Variants in POU6F2 observed in about 807,000 individuals in gnomAD.
The protein encoded by POU6F2 is POU class 6 homeobox 2.
In POU6F2, 31 loss-of-function variants were observed where a neutral mutation model predicts 71.3. That is an observed-to-expected ratio of 0.43 (90% CI 0.33 to 0.59). The LOEUF (loss-of-function observed/expected upper bound fraction) is 0.59. POU6F2 is among the 20% of genes least tolerant of loss of function. The pLI is 0.04. For synonymous variants in POU6F2, 347 were observed against 355.7 expected (o/e 0.98, Z 0.27); for missense variants, 783 against 856.8 (o/e 0.91, Z 1.07).
At chr7:39,075,116 T>C (rs1790971988) in intron 1 of POU6F2, among the ~76,000 whole-genome samples, 1 of 152,268 alleles carries the variant, frequency 6.6e-6, no homozygotes, top group South Asian at 2.1e-4. Context: ...CTGTCTGTTA[T>C]AGGTCAAAAG....
chr7:39,117,564 A>G (rs1284893316), intron 2 of POU6F2, among the ~76,000 whole-genome samples: 1 of 152,182 alleles, frequency 6.6e-6, no homozygotes, highest in Non-Finnish European at 1.5e-5. Context: ...AAGAAGGAAA[A>G]TGGATGAGTA....
At chr7:39,415,343 A>G (rs1420054516) in intron 6 of POU6F2, among the ~76,000 whole-genome samples, 1 of 152,104 alleles carries the variant, frequency 6.6e-6, no homozygotes, top group African/African-American at 2.4e-5. Context: ...ATTTTTATCC[A>G]TGAGTATTTC....
intron 6 of POU6F2, among the ~76,000 whole-genome samples, chr7:39,426,611 C>T (rs1787979125): frequency 6.6e-6 from 1 of 152,064 alleles, no homozygotes; most frequent in Non-Finnish European, 1.5e-5. Context: ...CTCTCTCTCA[C>T]CCTCCCTTTT....
chr7:38,978,892 T>G (rs187007612), intron 1 of POU6F2, among the ~76,000 whole-genome samples: 17 of 152,294 alleles, frequency 1.1e-4, no homozygotes, highest in Non-Finnish European at 1.9e-4. Flanking sequence ...GTGCTTTCCG[T>G]GAAGTCAGTA....
intron 2 of POU6F2, among the ~76,000 whole-genome samples, chr7:39,137,416 T>C (rs1256347240): frequency 6.6e-6 from 1 of 152,216 alleles, no homozygotes; most frequent in African/African-American, 2.4e-5. Flanking sequence ...AAGTATGATT[T>C]GAATGACCCA....
intron 4 of POU6F2, among the ~76,000 whole-genome samples, chr7:39,269,074 C>A (rs911730331): frequency 1.3e-5 from 2 of 151,994 alleles, no homozygotes; most frequent in African/African-American, 4.8e-5. Context: ...CCTTTTATTT[C>A]TTTTTTGTTA....
chr7:39,409,059 A>G (rs1008174501), intron 6 of POU6F2, among the ~76,000 whole-genome samples: 1 of 152,234 alleles, frequency 6.6e-6, no homozygotes, highest in Non-Finnish European at 1.5e-5. Flanking sequence ...GTAGCAATAC[A>G]TTGGAACCAG....
chr7:38,982,161 C>G (rs891294625), intron 1 of POU6F2, among the ~76,000 whole-genome samples: 1 of 152,076 alleles, frequency 6.6e-6, no homozygotes, highest in Non-Finnish European at 1.5e-5. Flanking sequence ...CTGGGGCTAA[C>G]CTAACCCTGT....
intron 1 of POU6F2, among the ~76,000 whole-genome samples, chr7:39,082,383 T>C (rs574714106): frequency 6.6e-6 from 1 of 152,342 alleles, no homozygotes; most frequent in African/African-American, 2.4e-5. Flanking sequence ...CAACATCTTC[T>C]ATTGTGATAG....
At chr7:39,207,250 A>AT (rs766736789) in intron 3 of POU6F2, 142 bp from the exon 4 acceptor site, 7,906 of 607,480 alleles carry the variant, frequency 0.013, 2 homozygotes, top group South Asian at 0.016. Context: ...TCTACCAATC[A>AT]TTTTTTTTTA....
intron 4 of POU6F2, among the ~76,000 whole-genome samples, chr7:39,301,937 T>C (rs901030755): frequency 1.3e-5 from 2 of 152,090 alleles, no homozygotes; most frequent in African/African-American, 4.8e-5. Flanking sequence ...ACAAAGCTAA[T>C]GTTTCTCAGG....
intron 4 of POU6F2, among the ~76,000 whole-genome samples, chr7:39,219,918 C>T (rs1221693757): frequency 6.6e-6 from 1 of 152,096 alleles, no homozygotes; most frequent in African/African-American, 2.4e-5. Flanking sequence ...GAAAATAACT[C>T]ACACGGGAGA....
At chr7:39,099,868 G>T (rs533254477) in intron 2 of POU6F2, among the ~76,000 whole-genome samples, 1 of 152,134 alleles carries the variant, frequency 6.6e-6, no homozygotes, top group Non-Finnish European at 1.5e-5. Flanking sequence ...TCTTGGGAGC[G>T]TGGATCAGAG....
intron 2 of POU6F2, among the ~76,000 whole-genome samples, chr7:39,201,138 C>T (rs1333178846): frequency 6.6e-6 from 1 of 152,186 alleles, no homozygotes; most frequent in Admixed American, 6.5e-5. Context: ...CATATTAGTT[C>T]ATTTAATCTT....
At chr7:39,320,493 G>T (rs892105013) in intron 4 of POU6F2, among the ~76,000 whole-genome samples, 4 of 151,994 alleles carry the variant, frequency 2.6e-5, no homozygotes, top group African/African-American at 9.7e-5. Context: ...TTCTCAAAGG[G>T]GTTCATAATC....
chr7:39,020,474 C>A (rs554569251), intron 1 of POU6F2, among the ~76,000 whole-genome samples: 4 of 152,136 alleles, frequency 2.6e-5, no homozygotes, highest in African/African-American at 9.6e-5. Context: ...AATGGTATTT[C>A]TTCTTTGGGG....
chr7:39,072,920 G>A (rs973854206), intron 1 of POU6F2, among the ~76,000 whole-genome samples: 10 of 152,162 alleles, frequency 6.6e-5, no homozygotes, highest in Admixed American at 4.6e-4. Flanking sequence ...AACACATTGC[G>A]TAAACATGAT....
In POU6F2 at chr7:39,426,759, G is replaced by T. The variant is rs150407205; in HGVS notation, c.1114-6318G>T. On this transcript the variant is annotated intron_variant, in intron 6 of 9. Coordinates refer to ENST00000518318, the MANE Select transcript of POU6F2 (RefSeq NM_001370959.1). ...TTGAGGTAAGGAGAAAGCTCCCCAT[G>T]CTCCACCTCTGGAAGTGAGGAAGAC... is the stretch of plus-strand genomic sequence containing the variant. Among the ~76,000 whole-genome samples the T allele has an allele frequency of 2.3e-3, 356 of 152,254 alleles. 1 individual carries two copies. The highest frequency in any genetic ancestry group is 8.1e-3 in the African/African-American group (336 of 41,538).
chr7:39,042,772 T>C (rs781746717), intron 1 of POU6F2, among the ~76,000 whole-genome samples: 2 of 151,980 alleles, frequency 1.3e-5, no homozygotes, highest in Admixed American at 6.6e-5. Context: ...TGGAGACCCA[T>C]TGAGATGCCT....
Sources: allele counts gnomAD v4.1 joint callset (sites outside exome capture counted in the v4.1 genomes callset), GRCh38; gene constraint gnomAD v4.1.1; transcripts MANE v1.5; gene names NCBI Gene and HGNC (gene_info 2026-07-23, HGNC 2026-07-21).